ZBTB44: variants seen among roughly 807,000 people sequenced by gnomAD.
ZBTB44 encodes zinc finger and BTB domain-containing protein 44.
In ZBTB44, 15 loss-of-function variants were observed where a neutral mutation model predicts 54.0. The ratio of observed to expected loss-of-function variants is 0.28; its 90% CI spans 0.19 to 0.43. ZBTB44 has a LOEUF of 0.43. ZBTB44 is among the 20% of genes least tolerant of loss of function. ZBTB44 has a pLI of 1.00. For synonymous variants in ZBTB44, 230 were observed against 250.1 expected (o/e 0.92, Z 0.76); for missense variants, 487 against 707.1 (o/e 0.69, Z 3.53).
chr11:130,311,353 C>A (rs1385204754), intron 1 of ZBTB44, among the ~76,000 whole-genome samples: 1 of 152,056 alleles, frequency 6.6e-6, no homozygotes, highest in African/African-American at 2.4e-5. Flanking sequence ...GGAACACAGG[C>A]ACACACCACC....
rs549865392 is a variant in ZBTB44 at position 130,312,210 on chromosome 11, C to T, written c.-57+2165G>A. Reference sequence around the variant, plus strand: ...ATTTAAGCAAAAGTCATCATGGGTGCTAAAAACCACTAAGCAAAAGATTGT... The same window carrying T: ...ATTTAAGCAAAAGTCATCATGGGTGTTAAAAACCACTAAGCAAAAGATTGT... On this transcript the variant is annotated intron_variant, in intron 1 of 7. Coordinates refer to ENST00000357899, the MANE Select transcript of ZBTB44 (RefSeq NM_001301098.2). 2.2e-4 allele frequency among the ~76,000 whole-genome samples: 33 copies of T among 152,268 alleles called. 1 individual carries two copies. The highest frequency in any genetic ancestry group is 6.8e-3 in the Middle Eastern group (2 of 294).
chr11:130,267,242 C>T (rs950239795), intron 1 of ZBTB44, among the ~76,000 whole-genome samples: 1 of 152,044 alleles, frequency 6.6e-6, no homozygotes, highest in Non-Finnish European at 1.5e-5. Flanking sequence ...TCAACCTGGG[C>T]GACAGAGTGA....
At chr11:130,255,578 C>T (rs190590130) in intron 2 of ZBTB44, among the ~76,000 whole-genome samples, 81 of 152,020 alleles carry the variant, frequency 5.3e-4, no homozygotes, top group African/African-American at 1.7e-3. Flanking sequence ...AAGAGACACA[C>T]GAAAAGCCCT....
intron 5 of ZBTB44, chr11:130,236,329 G>A: frequency 9.4e-7 from 1 of 1,066,336 alleles, no homozygotes; most frequent in Non-Finnish European, 1.2e-6. Context: ...CACTATAGTT[G>A]CCTTTGAAAT....
chr11:130,267,694 T>C (rs1227454529), intron 1 of ZBTB44, among the ~76,000 whole-genome samples: 1 of 152,062 alleles, frequency 6.6e-6, no homozygotes, highest in African/African-American at 2.4e-5. Flanking sequence ...CTACTACACC[T>C]AGCAATCAAC....
chr11:130,243,899 C>T (rs1002749104), intron 2 of ZBTB44, among the ~76,000 whole-genome samples: 1 of 152,058 alleles, frequency 6.6e-6, no homozygotes, highest in Non-Finnish European at 1.5e-5. Flanking sequence ...ACACATTAAG[C>T]AGGGAGCAGG....
Position 130,229,080 on chromosome 11 carries a change from TAAGTAA to T in ZBTB44, c.*2678_*2683del, listed in dbSNP as rs1953784147. 1 of 152,164 alleles carries T rather than the reference TAAGTAA, an allele frequency of 6.6e-6. No homozygotes were observed. Among genetic ancestry groups the T allele is most frequent in the African/African-American group, 2.4e-5 (1 of 41,438 alleles). 9.4% of individuals were successfully genotyped at this position (152,164 alleles called of 1,614,324 possible). A position where few individuals can be genotyped will look rare whatever the true frequency, so the allele number is the denominator to read the frequency against. The stretch of plus-strand genomic sequence containing the variant: ...GGGTCTTGCACAGTGGGGGTTTACT[TAAGTAA>T]AAGTAGCACAAACATTTCAAAGACA... On this transcript the variant is annotated 3_prime_UTR_variant, in exon 8 of 8. Transcript: ENST00000357899.
At chr11:130,240,679 T>C (rs1030370966) in intron 2 of ZBTB44, among the ~76,000 whole-genome samples, 13 of 152,244 alleles carry the variant, frequency 8.5e-5, no homozygotes, top group African/African-American at 3.1e-4. Flanking sequence ...CATCCTTCCC[T>C]GATCATAAAC....
At chr11:130,247,151 C>G (rs1245327024) in intron 2 of ZBTB44, among the ~76,000 whole-genome samples, 1 of 152,160 alleles carries the variant, frequency 6.6e-6, no homozygotes, top group Non-Finnish European at 1.5e-5. Flanking sequence ...TTTTTAACAC[C>G]TTCTTACTGA....
intron 1 of ZBTB44, chr11:130,310,272 C>G (rs2134541634): frequency 6.6e-6 from 1 of 152,304 alleles, no homozygotes; most frequent in East Asian, 1.9e-4. Flanking sequence ...ACTGTAGTAT[C>G]CTATGCCGAT....
rs1338126305 is a variant in ZBTB44, at chr11:130,244,261, G to T, written c.1019-4365C>A. 2.6e-5 allele frequency among the ~76,000 whole-genome samples: 4 copies of T among 152,160 alleles called. No individual in the cohort carries two copies. In the East Asian group the frequency reaches 7.7e-4, roughly 29 times the overall value. Reference sequence around the variant, plus strand: ...ACCTAGCTTATTCTCATTAGGTAATGAACTCTTTACTGAACACAAACCAGC... The same window carrying T: ...ACCTAGCTTATTCTCATTAGGTAATTAACTCTTTACTGAACACAAACCAGC... On this transcript the variant is annotated intron_variant, in intron 2 of 7. Transcript: ENST00000357899.
intron 1 of ZBTB44, among the ~76,000 whole-genome samples, chr11:130,305,162 T>G (rs998795540): frequency 6.6e-6 from 1 of 152,194 alleles, no homozygotes; most frequent in Non-Finnish European, 1.5e-5. Flanking sequence ...AGAATCAATA[T>G]GGTGACAATG....
intron 7 of ZBTB44, chr11:130,232,503 T>C (rs1479361722): frequency 2.0e-5 from 3 of 152,180 alleles, no homozygotes; most frequent in African/African-American, 7.2e-5. Flanking sequence ...TATTCATTAG[T>C]TTAAGGTTTT....
At chr11:130,297,213 C>T (rs780468747) in intron 1 of ZBTB44, among the ~76,000 whole-genome samples, 3 of 152,182 alleles carry the variant, frequency 2.0e-5, no homozygotes, top group Non-Finnish European at 4.4e-5. Flanking sequence ...TCTATCAAGT[C>T]TCTTTTTATT....
chr11:130,287,613 T>A (rs1204921659), intron 1 of ZBTB44, among the ~76,000 whole-genome samples: 1 of 152,124 alleles, frequency 6.6e-6, no homozygotes, highest in South Asian at 2.1e-4. Context: ...TTAAATAGAA[T>A]GAATGACTCT....
At chr11:130,293,404 G>T (rs1565682024) in intron 1 of ZBTB44, among the ~76,000 whole-genome samples, 2 of 150,654 alleles carry the variant, frequency 1.3e-5, no homozygotes, top group Non-Finnish European at 1.5e-5. Flanking sequence ...AGCCTGGGAG[G>T]TTGAGACTAC....
intron 3 of ZBTB44, chr11:130,238,819 G>T (rs186558874): frequency 2.2e-5 from 11 of 493,932 alleles, no homozygotes; most frequent in Non-Finnish European, 3.7e-5. Context: ...TTTTGAGACG[G>T]AGTTAGGCAG....
chr11:130,239,931 T>C (rs534627629), intron 2 of ZBTB44, 35 bp from the exon 3 acceptor site: 31 of 1,516,514 alleles, frequency 2.0e-5, no homozygotes, highest in Non-Finnish European at 2.7e-5. Flanking sequence ...CTGTAATCCT[T>C]TGGTGTGAAT....
At chr11:130,263,758 A>C in intron 1 of ZBTB44, among the ~76,000 whole-genome samples, 1 of 152,206 alleles carries the variant, frequency 6.6e-6, no homozygotes. Context: ...GTGTTCAAAG[A>C]GTAGATATGA....
Sources: gnomAD v4.1 joint callset for allele counts (sites outside exome capture counted in the v4.1 genomes callset) on GRCh38, gnomAD v4.1.1 for gene constraint, MANE v1.5 for transcripts, NCBI Gene and HGNC (gene_info 2026-07-23, HGNC 2026-07-21) for gene names.